FRMPD4: variants seen among roughly 807,000 people sequenced by gnomAD.
The protein encoded by FRMPD4 is FERM and PDZ domain containing 4, also known as FERM and PDZ domain-containing protein 4.
In FRMPD4, 22 loss-of-function variants were observed where a neutral mutation model predicts 94.1. The observed-to-expected ratio is 0.23, with a 90% confidence interval of 0.17 to 0.33. The LOEUF (loss-of-function observed/expected upper bound fraction) is 0.33. Among genes scored for constraint, FRMPD4 ranks in the 10% least tolerant of loss-of-function variants. The pLI, the probability that FRMPD4 is intolerant of heterozygous loss-of-function variation, is 1.00. For missense variants in FRMPD4, 1,111 were observed against 1,339.9 expected (o/e 0.83, Z 2.67); for synonymous variants, 631 against 548.6 (o/e 1.15, Z -2.10).
intron 3 of FRMPD4, among the ~76,000 whole-genome samples, chrX:11,905,229 C>T (rs187383420): frequency 2.3e-4 from 26 of 111,822 alleles, no homozygotes; most frequent in Admixed American, 5.7e-4. Context: ...ATACCTCCTC[C>T]GCACTGAACT....
intron 1 of FRMPD4, among the ~76,000 whole-genome samples, chrX:12,313,725 T>C (rs1481700104): frequency 8.9e-6 from 1 of 111,937 alleles, no homozygotes; most frequent in Non-Finnish European, 1.9e-5. Flanking sequence ...ATTTCATTCA[T>C]CTTAATAACC....
chrX:12,605,305 C>G (rs1326716025), intron 2 of FRMPD4, among the ~76,000 whole-genome samples: 4 of 112,394 alleles, frequency 3.6e-5, no homozygotes, highest in Non-Finnish European at 7.5e-5. Flanking sequence ...TCATAGGTAT[C>G]TCCTCACTGG....
intron 4 of FRMPD4, among the ~76,000 whole-genome samples, chrX:12,656,161 C>T (rs2059653794): frequency 9.0e-6 from 1 of 111,282 alleles, no homozygotes; most frequent in African/African-American, 3.3e-5. Context: ...CAGTTGCTGA[C>T]AGAGTAGAAG....
intron 3 of FRMPD4, among the ~76,000 whole-genome samples, chrX:12,006,334 G>A (rs6654754): frequency 0.081 from 9,135 of 112,146 alleles, 335 homozygotes; most frequent in East Asian, 0.24. Context: ...ATAAGAACAG[G>A]AGGATTTGAT....
intron 1 of FRMPD4, among the ~76,000 whole-genome samples, chrX:12,428,622 CCTCT>C (rs1428161669): frequency 1.8e-5 from 2 of 111,341 alleles, no homozygotes; most frequent in African/African-American, 3.3e-5. Context: ...AGGTTTACTC[CCTCT>C]GTTTGCTGGA....
At chrX:11,869,506 A>G (rs916607522) in intron 2 of FRMPD4, among the ~76,000 whole-genome samples, 2 of 112,370 alleles carry the variant, frequency 1.8e-5, no homozygotes, top group Non-Finnish European at 3.8e-5. Context: ...TATGTTAATT[A>G]GCTTGATTTA....
chrX:12,404,681 G>A (rs1024649984), intron 1 of FRMPD4, among the ~76,000 whole-genome samples: 1 of 111,823 alleles, frequency 8.9e-6, no homozygotes, highest in Non-Finnish European at 1.9e-5. Context: ...TGATCCTTCT[G>A]TTGTACTCTA....
intron 1 of FRMPD4, among the ~76,000 whole-genome samples, chrX:12,211,319 G>A (rs1056105206): frequency 2.7e-5 from 3 of 111,862 alleles, no homozygotes; most frequent in African/African-American, 6.5e-5. Flanking sequence ...CTGATTCCCC[G>A]GATTTAGTTG....
At chrX:12,701,717 G>A (rs1602345578) in intron 9 of FRMPD4, among the ~76,000 whole-genome samples, 157 bp from the exon 10 acceptor site, 1 of 112,753 alleles carries the variant, frequency 8.9e-6, no homozygotes. Context: ...ATACTGACTC[G>A]TTTCCAAGCA....
intron 1 of FRMPD4, among the ~76,000 whole-genome samples, chrX:12,205,260 C>T (rs781432431): frequency 1.8e-5 from 2 of 111,160 alleles, no homozygotes; most frequent in African/African-American, 6.5e-5. Flanking sequence ...AGAGAAATTT[C>T]ACAGCCTGTT....
chrX:12,720,893 A>G lies in FRMPD4; in HGVS notation c.4324A>G (p.Arg1442Gly). 2 of 845,040 alleles carry G rather than the reference A, an allele frequency of 2.4e-6. No homozygotes were observed. Among genetic ancestry groups the G allele is most frequent in the Non-Finnish European group, 2.9e-6 (2 of 695,741 alleles). The allele number at this position is 845,040 out of a possible 1,213,427, so 69.6% of individuals were successfully genotyped here. Residue 1442 changes from arginine to glycine, a missense_variant, in exon 17 of 17, where the codon AGG becomes GGG. Around this residue, in one of 8 missense-constraint regions of FRMPD4, gnomAD observed 551 missense variants for 591.6 expected, o/e 0.93. Transcript: ENST00000675598. ...ITEAQEASSE[R>G]RAELPLGRKL... ...AGAAGCACAGGAGGCCAGTTCTGAA[A>G]GGCGAGCAGAACTCCCCCTGGGGAG...
intron 1 of FRMPD4, among the ~76,000 whole-genome samples, chrX:12,163,635 T>C (rs2056063685): frequency 8.9e-6 from 1 of 112,106 alleles, no homozygotes. Context: ...GCTATTCCTT[T>C]TGCCATTAAG....
At chrX:12,185,252 G>T (rs970614) in intron 1 of FRMPD4, among the ~76,000 whole-genome samples, 55,333 of 110,325 alleles carry the variant, frequency 0.5, 10,844 homozygotes, top group East Asian at 0.84. Context: ...CCTCAGCTCC[G>T]ACTTTAAAAG....
At chrX:11,952,406 G>A (rs2054229455) in intron 3 of FRMPD4, among the ~76,000 whole-genome samples, 2 of 112,176 alleles carry the variant, frequency 1.8e-5, no homozygotes, top group South Asian at 3.7e-4. Context: ...GGAAAGTCAT[G>A]TTTATCAGAG....
intron 1 of FRMPD4, among the ~76,000 whole-genome samples, chrX:12,418,350 C>CTTTTTTTTTTTTTTTTTTT (rs540740432): frequency 2.5e-5 from 2 of 81,076 alleles, no homozygotes; most frequent in African/African-American, 4.8e-5. Context: ...GTGTTTCTTT[C>CTTTTTTTTTTTTTTTTTTT]TTTTTTTTTT....
chrX:12,039,735 C>T (rs779670777), intron 3 of FRMPD4, among the ~76,000 whole-genome samples: 12 of 109,802 alleles, frequency 1.1e-4, no homozygotes, highest in African/African-American at 3.6e-4. Context: ...TTTGGGAGGC[C>T]GAGGTGGGTG....
chrX:12,435,084 T>G (rs1316412947), intron 1 of FRMPD4, among the ~76,000 whole-genome samples: 2 of 111,710 alleles, frequency 1.8e-5, no homozygotes, highest in African/African-American at 6.5e-5. Context: ...ATTTTATACT[T>G]TTTTAATGTG....
chrX:12,514,642 A>G (rs1490325469), intron 2 of FRMPD4, among the ~76,000 whole-genome samples: 1 of 111,822 alleles, frequency 8.9e-6, no homozygotes, highest in Non-Finnish European at 1.9e-5. Context: ...TTTTGCCTCG[A>G]TGTTCATCAG....
At chrX:12,699,544 T>C (rs1166067727) in intron 9 of FRMPD4, among the ~76,000 whole-genome samples, 1 of 112,007 alleles carries the variant, frequency 8.9e-6, no homozygotes. Flanking sequence ...ACAGTGTAAA[T>C]ATTGTATGCA....
Sources: allele counts gnomAD v4.1 joint callset (sites outside exome capture counted in the v4.1 genomes callset), GRCh38; gene constraint gnomAD v4.1.1; regional missense constraint gnomAD v4.1.1; transcripts MANE v1.5; gene names NCBI Gene and HGNC (gene_info 2026-07-23, HGNC 2026-07-21).